The following GLRB variants were observed in gnomAD, a reference collection of about 807,000 sequenced individuals.
GLRB encodes the protein glycine receptor subunit beta.
Under a neutral mutation model 54.2 loss-of-function variants are expected in GLRB, and 33 were observed. That is an observed-to-expected ratio of 0.61 (90% CI 0.46 to 0.81). The LOEUF (loss-of-function observed/expected upper bound fraction) is 0.81. Ranked by LOEUF, GLRB falls within the 40% of genes least tolerant of loss-of-function variation. The pLI is 0.00. For synonymous variants in GLRB, 209 were observed against 208.2 expected, an observed-to-expected ratio of 1.00 and a Z score of -0.03; for missense variants, 572 against 584.6, an observed-to-expected ratio of 0.98 and a Z score of 0.22.
At chr4:157,108,204 A>C (rs2126499878) in intron 2 of GLRB, among the ~76,000 whole-genome samples, 1 of 152,246 alleles carries the variant, frequency 6.6e-6, no homozygotes, top group African/African-American at 2.4e-5. Context: ...TACAGCATCC[A>C]TTCTTCAGAC....
intron 2 of GLRB, among the ~76,000 whole-genome samples, chr4:157,082,964 T>TTTTGTA (rs1180920266): frequency 2.1e-5 from 3 of 139,670 alleles, no homozygotes; most frequent in Admixed American, 1.4e-4. Flanking sequence ...GAATAGTGTT[T>TTTTGTA]TATATATATA....
Position 157,103,449 on chromosome 4 carries a change from A to G in GLRB, c.123-17107A>G, listed in dbSNP as rs553357754. ...GTTAAAATCTTATGGCAGTTAGAACATAGTTTATACTTCAAGCATAGTTCT... is the reference window on the plus strand; with the variant it reads ...GTTAAAATCTTATGGCAGTTAGAACGTAGTTTATACTTCAAGCATAGTTCT... On this transcript the variant is annotated intron_variant, in intron 2 of 9. Transcript: ENST00000264428. Among the ~76,000 whole-genome samples the G allele has an allele frequency of 3.7e-3, 568 of 152,356 alleles. 4 individuals are homozygous for G. The highest frequency in any genetic ancestry group is 6.1e-3 in the Non-Finnish European group (418 of 68,036).
intron 2 of GLRB, among the ~76,000 whole-genome samples, chr4:157,118,411 G>C (rs533467887): frequency 6.6e-6 from 1 of 151,480 alleles, no homozygotes; most frequent in Non-Finnish European, 1.5e-5. Flanking sequence ...TCCATCTTTT[G>C]TTAAAGGATG....
At chr4:157,142,336 A>G (rs1736648184) in intron 7 of GLRB, among the ~76,000 whole-genome samples, 1 of 152,142 alleles carries the variant, frequency 6.6e-6, no homozygotes, top group South Asian at 2.1e-4. Flanking sequence ...AAAAAGAAAC[A>G]CTTGCATTTC....
intron 2 of GLRB, among the ~76,000 whole-genome samples, chr4:157,090,465 G>A (rs1418053624): frequency 5.9e-5 from 9 of 152,256 alleles, no homozygotes; most frequent in East Asian, 1.9e-4. Context: ...GTTGAAGTAC[G>A]TGAAGACATT....
chr4:157,083,016 T>C (rs1463833285), intron 2 of GLRB, among the ~76,000 whole-genome samples: 2 of 149,378 alleles, frequency 1.3e-5, no homozygotes, highest in Non-Finnish European at 3.0e-5. Context: ...TTTAGTATTT[T>C]AAGAAAGACA....
At chr4:157,130,292 G>GT (rs1279782887) in intron 4 of GLRB, among the ~76,000 whole-genome samples, 5 of 151,556 alleles carry the variant, frequency 3.3e-5, no homozygotes, top group Admixed American at 6.6e-5. Context: ...TTGTTTGTTT[G>GT]TTTTTGTACT....
chr4:157,117,454 A>T (rs1190440632), intron 2 of GLRB, among the ~76,000 whole-genome samples: 1 of 151,732 alleles, frequency 6.6e-6, no homozygotes, highest in Non-Finnish European at 1.5e-5. Context: ...AATCACGTGA[A>T]CATGACTATC....
intron 9 of GLRB, among the ~76,000 whole-genome samples, chr4:157,166,198 G>T (rs1296886496): frequency 1.3e-5 from 2 of 152,004 alleles, no homozygotes; most frequent in African/African-American, 4.8e-5. Flanking sequence ...ATTTTCAGAA[G>T]TGACAGAAGT....
chr4:157,110,023 T>G (rs1353058655), intron 2 of GLRB, among the ~76,000 whole-genome samples: 1 of 151,982 alleles, frequency 6.6e-6, no homozygotes, highest in Non-Finnish European at 1.5e-5. Flanking sequence ...TGATGAAATC[T>G]TCAGCCATTG....
chr4:157,108,226 G>A (rs1197530444), intron 2 of GLRB, among the ~76,000 whole-genome samples: 3 of 152,012 alleles, frequency 2.0e-5, no homozygotes, highest in Non-Finnish European at 4.4e-5. Flanking sequence ...ATGAATCAAG[G>A]AGCCATTTTG....
At chr4:157,165,428 T>C (rs1272568441) in intron 9 of GLRB, among the ~76,000 whole-genome samples, 4 of 151,996 alleles carry the variant, frequency 2.6e-5, no homozygotes, top group Non-Finnish European at 5.9e-5. Context: ...ATAACAATAA[T>C]AATTAACAGA....
intron 4 of GLRB, among the ~76,000 whole-genome samples, chr4:157,123,311 A>G (rs1306958342): frequency 6.6e-6 from 1 of 151,766 alleles, no homozygotes; most frequent in Non-Finnish European, 1.5e-5. Flanking sequence ...TCCTGAGAAT[A>G]TCTCAGACTA....
chr4:157,115,614 A>G (rs1303503938), intron 2 of GLRB, among the ~76,000 whole-genome samples: 1 of 151,798 alleles, frequency 6.6e-6, no homozygotes, highest in Non-Finnish European at 1.5e-5. Context: ...ATCTGTTTCC[A>G]TGAAGAATTT....
intron 1 of GLRB, among the ~76,000 whole-genome samples, chr4:157,077,741 A>G (rs1375028982): frequency 4.6e-5 from 7 of 150,622 alleles, no homozygotes; most frequent in East Asian, 3.9e-4. Context: ...AACCTATTAT[A>G]TCTCGTTGGC....
At chr4:157,133,409 G>C (rs1475070008) in intron 4 of GLRB, among the ~76,000 whole-genome samples, 1 of 151,850 alleles carries the variant, frequency 6.6e-6, no homozygotes, top group African/African-American at 2.4e-5. Flanking sequence ...TCTCAGTATA[G>C]GTATCAATTC....
chr4:157,091,093 A>G (rs530181941), intron 2 of GLRB, among the ~76,000 whole-genome samples: 40 of 152,274 alleles, frequency 2.6e-4, no homozygotes, highest in Non-Finnish European at 4.9e-4. Flanking sequence ...TATTAAATCT[A>G]TTAAGTTCAG....
chr4:157,158,174 T>C (rs984870307), intron 9 of GLRB, among the ~76,000 whole-genome samples: 5 of 151,898 alleles, frequency 3.3e-5, no homozygotes, highest in African/African-American at 1.2e-4. Context: ...GCCCACTTTT[T>C]GATGGGTTTT....
chr4:157,084,914 A>G (rs1293193830), intron 2 of GLRB, among the ~76,000 whole-genome samples: 1 of 152,212 alleles, frequency 6.6e-6, no homozygotes, highest in Non-Finnish European at 1.5e-5. Context: ...GACATTGGCC[A>G]AAAGATGAAA....
Sources: gnomAD v4.1 joint callset for allele counts (sites outside exome capture counted in the v4.1 genomes callset) on GRCh38, gnomAD v4.1.1 for gene constraint, MANE v1.5 for transcripts, NCBI Gene and HGNC (gene_info 2026-07-23, HGNC 2026-07-21) for gene names.